CDH4: variants seen among roughly 807,000 people sequenced by gnomAD.
The protein encoded by CDH4 is cadherin-4.
CDH4 carries 33 observed loss-of-function variants against 86.0 expected under a neutral mutation model. The observed-to-expected ratio is 0.38, with a 90% confidence interval of 0.29 to 0.51. The LOEUF (loss-of-function observed/expected upper bound fraction) is 0.51. Among genes scored for constraint, CDH4 ranks in the 20% least tolerant of loss-of-function variants. CDH4 has a pLI of 0.86. For missense variants in CDH4, 1,114 were observed against 1,307.4 expected (o/e 0.85, Z 2.28); for synonymous variants, 555 against 549.4 (o/e 1.01, Z -0.14).
At chr20:61,741,478 C>T (rs778173523) in intron 2 of CDH4, among the ~76,000 whole-genome samples, 87 of 150,882 alleles carry the variant, frequency 5.8e-4, no homozygotes, top group Non-Finnish European at 9.3e-4. Flanking sequence ...TAAGATGTCA[C>T]CAAAGCTGTG....
intron 2 of CDH4, among the ~76,000 whole-genome samples, chr20:61,612,540 G>A (rs961709606): frequency 1.3e-5 from 2 of 152,074 alleles, no homozygotes; most frequent in African/African-American, 4.8e-5. Flanking sequence ...CCCAACCAAG[G>A]ACAGCTGTCC....
intron 2 of CDH4, among the ~76,000 whole-genome samples, chr20:61,447,733 G>C (rs567072344): frequency 6.7e-6 from 1 of 149,944 alleles, no homozygotes; most frequent in Admixed American, 6.7e-5. Context: ...GGAAAAATAA[G>C]ACTTGGATGG....
chr20:61,440,019 A>G (rs2085306190), intron 2 of CDH4, among the ~76,000 whole-genome samples: 1 of 152,254 alleles, frequency 6.6e-6, no homozygotes, highest in African/African-American at 2.4e-5. Flanking sequence ...TGATTGTTTT[A>G]TATTGCAACT....
At chr20:61,264,077 C>T (rs541367094) in intron 2 of CDH4, among the ~76,000 whole-genome samples, 1 of 152,182 alleles carries the variant, frequency 6.6e-6, no homozygotes, top group Non-Finnish European at 1.5e-5. Flanking sequence ...CGTGAGATCC[C>T]AGGCTCACAG....
chr20:61,923,120 G>A (rs1387834539), intron 9 of CDH4, among the ~76,000 whole-genome samples: 1 of 152,350 alleles, frequency 6.6e-6, no homozygotes, highest in Non-Finnish European at 1.5e-5. Flanking sequence ...AGGTAGGGAC[G>A]GGGTTACCAG....
intron 2 of CDH4, among the ~76,000 whole-genome samples, chr20:61,588,765 T>C (rs1268243335): frequency 6.6e-6 from 1 of 152,222 alleles, no homozygotes; most frequent in East Asian, 1.9e-4. Context: ...CCGATTCCGT[T>C]CTGTCTTTCC....
chr20:61,565,188 T>TGG (rs1568688293), intron 2 of CDH4, among the ~76,000 whole-genome samples: 2 of 67,002 alleles, frequency 3.0e-5, no homozygotes, highest in African/African-American at 1.3e-4. Context: ...GTGGTGGTGG[T>TGG]CCTCTTGGTG....
chr20:61,405,279 T>A (rs1016131343), intron 2 of CDH4, among the ~76,000 whole-genome samples: 48 of 150,428 alleles, frequency 3.2e-4, no homozygotes, highest in Admixed American at 2.3e-3. Flanking sequence ...GATTCCGTAA[T>A]CCCCCTCCTG....
chr20:61,886,796 T>C (rs1023515833), intron 7 of CDH4, among the ~76,000 whole-genome samples: 8 of 152,152 alleles, frequency 5.3e-5, no homozygotes, highest in Non-Finnish European at 7.4e-5. Context: ...CGTGCCCCTG[T>C]GCCACACGGG....
chr20:61,778,594 G>T (rs892124416), intron 4 of CDH4, among the ~76,000 whole-genome samples: 1 of 152,052 alleles, frequency 6.6e-6, no homozygotes, highest in South Asian at 2.1e-4. Flanking sequence ...AGGGAGCCAC[G>T]CCTGGTGGTT....
chr20:61,864,196 C>T (rs1983446841), intron 6 of CDH4, among the ~76,000 whole-genome samples: 2 of 152,174 alleles, frequency 1.3e-5, no homozygotes, highest in African/African-American at 4.8e-5. Flanking sequence ...GCCCCAACCC[C>T]AGGAGCTGGA....
intron 2 of CDH4, among the ~76,000 whole-genome samples, chr20:61,278,733 G>A (rs112457296): frequency 0.011 from 1,623 of 152,346 alleles, 25 homozygotes; most frequent in African/African-American, 0.037. Context: ...TTCTCCCCTC[G>A]AGAACAAGGA....
chr20:61,404,881 T>C (rs2085072318), intron 2 of CDH4, among the ~76,000 whole-genome samples: 1 of 151,868 alleles, frequency 6.6e-6, no homozygotes, highest in Non-Finnish European at 1.5e-5. Context: ...AAACCCCGTC[T>C]CTACTAAAAA....
At chr20:61,864,239 T>C (rs1983448662) in intron 6 of CDH4, among the ~76,000 whole-genome samples, 1 of 152,216 alleles carries the variant, frequency 6.6e-6, no homozygotes, top group South Asian at 2.1e-4. Context: ...CGTTGAGCCC[T>C]GTGTGCTGGT....
intron 2 of CDH4, among the ~76,000 whole-genome samples, chr20:61,742,490 C>T (rs761012417): frequency 1.1e-4 from 17 of 152,150 alleles, no homozygotes; most frequent in Non-Finnish European, 2.2e-4. Context: ...AACAGTGAGT[C>T]GCTTTTTTTG....
chr20:61,443,439 A>G (rs1193506108), intron 2 of CDH4, among the ~76,000 whole-genome samples: 1 of 152,202 alleles, frequency 6.6e-6, no homozygotes, highest in African/African-American at 2.4e-5. Flanking sequence ...TCAAGGAGCC[A>G]TTGTTCTTTT....
At chr20:61,443,763 G>A (rs1041448202) in intron 2 of CDH4, among the ~76,000 whole-genome samples, 9 of 152,068 alleles carry the variant, frequency 5.9e-5, no homozygotes, top group Non-Finnish European at 1.5e-5. Flanking sequence ...GCTTGGCTCT[G>A]TATGTGTGTG....
chr20:61,781,241 C>T (rs1386877697), intron 4 of CDH4, among the ~76,000 whole-genome samples: 1 of 19,970 alleles, frequency 5.0e-5, no homozygotes, highest in Non-Finnish European at 9.1e-5. Context: ...AATTATTAGA[C>T]ATGTCAAAAA....
intron 2 of CDH4, among the ~76,000 whole-genome samples, chr20:61,658,771 C>T (rs74317710): frequency 7.2e-5 from 11 of 152,290 alleles, no homozygotes; most frequent in African/African-American, 1.9e-4. Context: ...ACCACCCCCC[C>T]ACTCCCAGGC....
Sources: gnomAD v4.1 joint callset for allele counts (sites outside exome capture counted in the v4.1 genomes callset) on GRCh38, gnomAD v4.1.1 for gene constraint, MANE v1.5 for transcripts, NCBI Gene and HGNC (gene_info 2026-07-23, HGNC 2026-07-21) for gene names.